SMARCA2: variants seen among roughly 807,000 people sequenced by gnomAD.
SMARCA2 encodes SWI/SNF related BAF chromatin remodeling complex subunit ATPase 2.
In SMARCA2, 61 loss-of-function variants were observed where a neutral mutation model predicts 199.8. That is an observed-to-expected ratio of 0.31 (90% CI 0.25 to 0.38). SMARCA2 has a LOEUF of 0.38. Among genes scored for constraint, SMARCA2 ranks in the 10% least tolerant of loss-of-function variants. The pLI is 1.00. For synonymous variants in SMARCA2, 935 were observed against 732.0 expected, an observed-to-expected ratio of 1.28 and a Z score of -4.48; for missense variants, 1,344 against 2,012.2, an observed-to-expected ratio of 0.67 and a Z score of 6.35.
chr9:2,144,031 C>G, intron 27 of SMARCA2, among the ~76,000 whole-genome samples: 1 of 151,902 alleles, frequency 6.6e-6, no homozygotes, highest in East Asian at 1.9e-4. Context: ...TAGTGCAATA[C>G]AGAATCGTAC....
intron 14 of SMARCA2, among the ~76,000 whole-genome samples, chr9:2,078,095 A>C (rs1809655393): frequency 6.6e-6 from 1 of 152,212 alleles, no homozygotes; most frequent in East Asian, 1.9e-4. Context: ...GTATTTCTTT[A>C]AAATTTTTAG....
intron 15 of SMARCA2, among the ~76,000 whole-genome samples, chr9:2,082,553 C>T (rs1343535959): frequency 1.3e-5 from 2 of 152,172 alleles, no homozygotes; most frequent in East Asian, 3.8e-4. Flanking sequence ...TTCCCAGTGC[C>T]TCACCTGCTA....
At chr9:2,125,280 C>CA (rs1287726269) in intron 27 of SMARCA2, among the ~76,000 whole-genome samples, 4 of 152,128 alleles carry the variant, frequency 2.6e-5, no homozygotes, top group Non-Finnish European at 5.9e-5. Context: ...CGTATCCAGT[C>CA]AAATATTCCA....
At chr9:2,145,282 GAC>G (rs1824678496) in intron 27 of SMARCA2, among the ~76,000 whole-genome samples, 1 of 143,338 alleles carries the variant, frequency 7.0e-6, no homozygotes, top group African/African-American at 2.5e-5. Context: ...CAGCCTGGGT[GAC>G]AGAGTGAAGA....
At chr9:2,073,892 T>C (rs1430513353) in intron 12 of SMARCA2, among the ~76,000 whole-genome samples, 1 of 152,160 alleles carries the variant, frequency 6.6e-6, no homozygotes, top group African/African-American at 2.4e-5. Flanking sequence ...GGCATTAACT[T>C]GGGAGATGGT....
chr9:2,160,335 T>G (rs1426316360), intron 27 of SMARCA2: 1 of 475,562 alleles, frequency 2.1e-6, no homozygotes, highest in African/African-American at 1.9e-5. Context: ...AGGCCTAGGC[T>G]CAGACTGTCC....
chr9:2,192,783 C>T lies in SMARCA2; in HGVS notation c.*44C>T, dbSNP rs574547210. Reference sequence around the variant, plus strand: ...CTTGGTAGAACTGAATTCCTTCCTCCCCTGTCTCATTTCTACCCAGTGAGT... The same window carrying T: ...CTTGGTAGAACTGAATTCCTTCCTCTCCTGTCTCATTTCTACCCAGTGAGT... On this transcript the variant is annotated 3_prime_UTR_variant, in exon 34 of 34. Transcript: ENST00000349721. 4 of 1,444,824 alleles carry T rather than the reference C, an allele frequency of 2.8e-6. No individual in the cohort carries two copies. Among genetic ancestry groups the T allele is most frequent in the Admixed American group, 3.4e-5 (2 of 59,534 alleles). The allele number at this position is 1,444,824 out of a possible 1,614,324, so 89.5% of individuals were successfully genotyped here. A position where few individuals can be genotyped will look rare whatever the true frequency, so the allele number is the denominator to read the frequency against.
At chr9:2,044,017 G>C (rs1333725944) in intron 4 of SMARCA2, 5 of 152,238 alleles carry the variant, frequency 3.3e-5, no homozygotes, top group African/African-American at 1.2e-4. Flanking sequence ...GAAAAGTCTT[G>C]TCAAGTAGCA....
chr9:2,147,436 GC>G (rs1824818099), intron 27 of SMARCA2, among the ~76,000 whole-genome samples: 3 of 152,300 alleles, frequency 2.0e-5, no homozygotes, highest in Admixed American at 6.5e-5. Flanking sequence ...ATATCTGTTT[GC>G]CACATCTTTC....
chr9:2,100,022 C>T (rs1403718129), intron 21 of SMARCA2, among the ~76,000 whole-genome samples: 1 of 152,134 alleles, frequency 6.6e-6, no homozygotes, highest in Non-Finnish European at 1.5e-5. Flanking sequence ...TACCGTAGAT[C>T]ATGAGCATAT....
intron 1 of SMARCA2, among the ~76,000 whole-genome samples, chr9:2,018,234 TC>T (rs1818448139): frequency 6.6e-6 from 1 of 152,252 alleles, no homozygotes; most frequent in African/African-American, 2.4e-5. Context: ...CAGAATCCAT[TC>T]CTTATTCAAT....
At chr9:2,069,967 A>G (rs564564139) in intron 9 of SMARCA2, among the ~76,000 whole-genome samples, 21 of 152,086 alleles carry the variant, frequency 1.4e-4, no homozygotes, top group East Asian at 1.2e-3. Context: ...CCCAGTGTCT[A>G]TTGTTGCCAT....
In SMARCA2 at chr9:2,073,260, C is replaced by A; in HGVS notation, c.1795C>A (p.His599Asn). 1 of 1,614,168 alleles carries A rather than the reference C, an allele frequency of 6.2e-7. No individual in the cohort carries two copies. The highest frequency in any genetic ancestry group is 8.5e-7 in the Non-Finnish European group (1 of 1,180,012). Residue 599 changes from histidine to asparagine, a missense_variant, in exon 11 of 34, where the codon CAC becomes AAC. Coordinates refer to ENST00000349721, the MANE Select transcript of SMARCA2 (RefSeq NM_003070.5). Reference protein sequence around the residue: ...QMSDLPVKVTHTETGKVLFGP... With the variant: ...QMSDLPVKVTNTETGKVLFGP... The stretch of plus-strand genomic sequence containing the variant: ...GAGTGACCTCCCTGTCAAAGTGACT[C>A]ACACAGAAACCGGCAAGGTTCTGTT...
intron 31 of SMARCA2, among the ~76,000 whole-genome samples, chr9:2,182,705 G>C (rs1220228067): frequency 2.0e-5 from 3 of 152,066 alleles, no homozygotes; most frequent in Non-Finnish European, 2.9e-5. Flanking sequence ...ATGTTGGCCA[G>C]GCTGGTCTTG....
At chr9:2,146,034 C>T (rs1175554123) in intron 27 of SMARCA2, among the ~76,000 whole-genome samples, 1 of 152,126 alleles carries the variant, frequency 6.6e-6, no homozygotes, top group Non-Finnish European at 1.5e-5. Context: ...GCAGAATGTT[C>T]GCATAGCTGG....
At chr9:2,121,926 C>T (rs1823477873) in intron 26 of SMARCA2, among the ~76,000 whole-genome samples, 1 of 152,132 alleles carries the variant, frequency 6.6e-6, no homozygotes, top group African/African-American at 2.4e-5. Flanking sequence ...ACTAATTGTA[C>T]TTGTAAGCAT....
chr9:2,169,621 A>G lies in SMARCA2; in HGVS notation c.4200-798A>G, dbSNP rs375875401. Among the ~76,000 whole-genome samples the G allele has an allele frequency of 1.5e-4, 23 of 152,276 alleles. No homozygotes were observed. In the South Asian group the frequency reaches 1.9e-3, roughly 12 times the overall value. On this transcript the variant is annotated intron_variant, in intron 28 of 33. Transcript: ENST00000349721. The surrounding 1 kb of genome is among the most constrained non-coding windows in gnomAD (Gnocchi z 6.5). ...AGTGACTCCGAGAAGGGATTTATAC[A>G]TGGACAGGCACAGGCTGTGAATCCC...
chr9:2,156,390 T>C (rs1388876335), intron 27 of SMARCA2, among the ~76,000 whole-genome samples: 1 of 146,230 alleles, frequency 6.8e-6, no homozygotes, highest in Non-Finnish European at 1.5e-5. Flanking sequence ...TATGGGAAAA[T>C]ACCATAAAGT....
chr9:2,127,034 G>T (rs1211314585), intron 27 of SMARCA2, among the ~76,000 whole-genome samples: 1 of 152,178 alleles, frequency 6.6e-6, no homozygotes, highest in Non-Finnish European at 1.5e-5. Context: ...GTTCAGTCTG[G>T]ATTGAACTTT....
Sources: allele counts gnomAD v4.1 joint callset (sites outside exome capture counted in the v4.1 genomes callset), GRCh38; gene constraint gnomAD v4.1.1; non-coding constraint Gnocchi (gnomAD v3.1); transcripts MANE v1.5; gene names NCBI Gene and HGNC (gene_info 2026-07-23, HGNC 2026-07-21).